DZIP3: variants seen among roughly 807,000 people sequenced by gnomAD.
DZIP3 encodes the protein E3 ubiquitin-protein ligase DZIP3.
DZIP3 carries 118 observed loss-of-function variants against 162.0 expected under a neutral mutation model. The observed-to-expected ratio is 0.73, with a 90% CI of 0.63 to 0.85. The LOEUF is 0.85. Among genes scored for constraint, DZIP3 ranks in the 40% least tolerant of loss-of-function variants. The pLI is 0.00. For missense variants in DZIP3, 1,331 were observed against 1,407.0 expected, an observed-to-expected ratio of 0.95 and a Z score of 0.86; for synonymous variants, 438 against 458.6, an observed-to-expected ratio of 0.96 and a Z score of 0.57.
rs866563638 is a variant in DZIP3 at position 108,686,321 on chromosome 3, G to A, written c.3010-124G>A. 1.3e-5 allele frequency: 12 copies of A among 935,894 alleles called. No individual in the cohort carries two copies. In the Middle Eastern group the frequency reaches 1.5e-3, roughly 116 times the overall value. The allele number at this position is 935,894 out of a possible 1,614,324, so 58.0% of individuals were successfully genotyped here. On this transcript the variant is annotated intron_variant, in intron 27 of 32. Transcript: ENST00000361582. Reference sequence around the variant, plus strand: ...TTACAAACAATTAGAAATATTAAGAGAAAAACTGTAAAAATTGAATGTGTA... The same window carrying A: ...TTACAAACAATTAGAAATATTAAGAAAAAAACTGTAAAAATTGAATGTGTA...
At chr3:108,690,052 T>C (rs1029983894) in intron 31 of DZIP3, among the ~76,000 whole-genome samples, 1 of 152,218 alleles carries the variant, frequency 6.6e-6, no homozygotes, top group Non-Finnish European at 1.5e-5. Context: ...ACTTTCCCCT[T>C]TGAAGTTTAT....
intron 1 of DZIP3, chr3:108,603,057 T>C (rs1180374417): frequency 6.6e-6 from 1 of 152,184 alleles, no homozygotes; most frequent in Non-Finnish European, 1.5e-5. Context: ...TTCTGTCCTC[T>C]CTTATCTCAT....
chr3:108,625,778 A>G, intron 6 of DZIP3, 67 bp from the exon 7 acceptor site: 1 of 1,413,656 alleles, frequency 7.1e-7, no homozygotes. Context: ...TTGAGAAGTA[A>G]TTGTTTATTG....
chr3:108,684,085 G>T, intron 26 of DZIP3, 131 bp from the exon 27 acceptor site: 1 of 1,013,396 alleles, frequency 9.9e-7, no homozygotes, highest in South Asian at 2.0e-5. Context: ...TTTCTAATGT[G>T]CTTTGTATCT....
chr3:108,659,073 G>A (rs560498588), intron 19 of DZIP3, among the ~76,000 whole-genome samples: 110 of 152,294 alleles, frequency 7.2e-4, no homozygotes, highest in African/African-American at 2.6e-3. Flanking sequence ...ACAAGGAGGA[G>A]CTGGTACCAT....
At chr3:108,639,674 CTT>C (rs772744063) in intron 12 of DZIP3, among the ~76,000 whole-genome samples, 2 of 144,526 alleles carry the variant, frequency 1.4e-5, no homozygotes, top group East Asian at 2.0e-4. Flanking sequence ...CAATTTGTGT[CTT>C]TTTTTTTTTG....
intron 1 of DZIP3, 98 bp from the exon 2 acceptor site, chr3:108,605,237 C>T (rs1940271123): frequency 1.2e-6 from 1 of 832,922 alleles, no homozygotes; most frequent in African/African-American, 1.8e-5. Context: ...TCTTTTAGAG[C>T]AGTTTCAGAT....
intron 10 of DZIP3, among the ~76,000 whole-genome samples, chr3:108,636,175 A>C (rs1051488664): frequency 1.3e-5 from 2 of 151,986 alleles, no homozygotes; most frequent in Non-Finnish European, 2.9e-5. Flanking sequence ...AATATTACTG[A>C]ATTTTAGAAA....
intron 18 of DZIP3, among the ~76,000 whole-genome samples, chr3:108,653,722 G>C (rs1053257791): frequency 2.6e-5 from 4 of 151,664 alleles, no homozygotes; most frequent in Non-Finnish European, 4.4e-5. Flanking sequence ...CACTGAAGTT[G>C]CTTAAACCAA....
intron 3 of DZIP3, among the ~76,000 whole-genome samples, chr3:108,609,012 GAGAA>G (rs1267641648): frequency 6.6e-6 from 1 of 152,164 alleles, no homozygotes; most frequent in Non-Finnish European, 1.5e-5. Flanking sequence ...GGCGGCAGGA[GAGAA>G]AGAGACCAAA....
At chr3:108,645,157 A>T (rs1401745921) in intron 14 of DZIP3, among the ~76,000 whole-genome samples, 3 of 152,160 alleles carry the variant, frequency 2.0e-5, no homozygotes, top group Non-Finnish European at 4.4e-5. Flanking sequence ...AGTAGGGGAG[A>T]GTTCATAGAG....
intron 12 of DZIP3, among the ~76,000 whole-genome samples, chr3:108,640,419 T>C (rs1330048184): frequency 2.2e-5 from 3 of 134,104 alleles, no homozygotes; most frequent in African/African-American, 8.7e-5. Flanking sequence ...TTTTTGACAA[T>C]TTGACTCCTT....
intron 31 of DZIP3, among the ~76,000 whole-genome samples, chr3:108,690,180 G>C (rs187741954): frequency 1.2e-3 from 186 of 152,166 alleles, no homozygotes; most frequent in Non-Finnish European, 2.1e-3. Context: ...ATAGTTAGTG[G>C]GCCTATTATA....
At chr3:108,656,646 ATGACTT>A (rs1432525039) in intron 19 of DZIP3, among the ~76,000 whole-genome samples, 1 of 152,242 alleles carries the variant, frequency 6.6e-6, no homozygotes, top group Non-Finnish European at 1.5e-5. Context: ...TGGACGGAGA[ATGACTT>A]TGACGAGTTG....
Position 108,644,161 on chromosome 3 carries a change from C to A in DZIP3, c.1142-3C>A. ...GTCTTGACTTCTCAAAATTTATTTT[C>A]AGATGAAATGCCTATCTTCAAGCTT... On this transcript the variant is annotated splice_region_variant and splice_polypyrimidine_tract_variant and intron_variant, in intron 13 of 32. Coordinates refer to ENST00000361582, the MANE Select transcript of DZIP3 (RefSeq NM_014648.4). 6.3e-7 allele frequency: 1 copy of A among 1,579,406 alleles called. No individual in the cohort carries two copies. Among genetic ancestry groups the A allele is most frequent in the South Asian group, 1.2e-5 (1 of 85,598 alleles).
chr3:108,593,555 TAAG>T (rs1448270364), intron 1 of DZIP3, among the ~76,000 whole-genome samples: 3 of 152,124 alleles, frequency 2.0e-5, no homozygotes, highest in African/African-American at 7.2e-5. Flanking sequence ...TATGGGATAA[TAAG>T]AATCATAGAA....
In DZIP3 at chr3:108,616,658, G is replaced by GTT; in HGVS notation, c.375+2_375+3insTT. 1 of 1,564,172 alleles carries GTT rather than the reference G, an allele frequency of 6.4e-7. No homozygotes were observed. Among genetic ancestry groups the GTT allele is most frequent in the African/African-American group, 1.4e-5 (1 of 72,072 alleles). ...GAACATTCAAGCTGGCAATTATACC[G>GTT]TAAGTGTTTTCTTTTTGGAAATTTG... is the stretch of plus-strand genomic sequence containing the variant. On this transcript the variant is annotated splice_donor_variant, in intron 5 of 32. Coordinates refer to ENST00000361582, the MANE Select transcript of DZIP3 (RefSeq NM_014648.4). LOFTEE classifies it high-confidence loss of function.
At chr3:108,590,008 A>G (rs958840384) in intron 1 of DZIP3, 169 bp downstream of exon 1, 2 of 152,024 alleles carry the variant, frequency 1.3e-5, no homozygotes, top group African/African-American at 4.8e-5. Context: ...TGACCAAAGT[A>G]TTTGTCACAT....
Position 108,629,194 on chromosome 3 carries a change from A to T in DZIP3, c.696+18A>T, listed in dbSNP as rs755974617. The T allele has an allele frequency of 1.4e-6, 2 of 1,470,942 alleles. No individual in the cohort carries two copies. Among genetic ancestry groups the T allele is most frequent in the South Asian group, 2.5e-5 (2 of 79,522 alleles). 91.1% of individuals were successfully genotyped at this position (1,470,942 alleles called of 1,614,324 possible). On this transcript the variant is annotated intron_variant, in intron 8 of 32. Transcript: ENST00000361582. ...CTTTTAAAGTAAGAAATTATTTAAG[A>T]GTAACATTTTATTTGTAACTAATCA...
Sources: allele counts gnomAD v4.1 joint callset (sites outside exome capture counted in the v4.1 genomes callset), GRCh38; gene constraint gnomAD v4.1.1; transcripts MANE v1.5; gene names NCBI Gene and HGNC (gene_info 2026-07-23, HGNC 2026-07-21).